SVEP1: variants seen among roughly 807,000 people sequenced by gnomAD.
SVEP1 encodes the protein sushi, von Willebrand factor type A, EGF and pentraxin domain-containing protein 1.
SVEP1 carries 164 observed loss-of-function variants against 367.3 expected under a neutral mutation model. That is an observed-to-expected ratio of 0.45 (90% CI 0.39 to 0.51). SVEP1 has a LOEUF of 0.51. SVEP1 is among the 20% of genes least tolerant of loss of function. SVEP1 has a pLI of 0.00. For missense variants in SVEP1, 4,117 were observed against 4,425.3 expected (o/e 0.93, Z 1.98); for synonymous variants, 1,666 against 1,611.6 (o/e 1.03, Z -0.81).
intron 3 of SVEP1, among the ~76,000 whole-genome samples, chr9:110,527,441 T>C (rs1456731223): frequency 6.6e-6 from 1 of 152,042 alleles, no homozygotes; most frequent in Non-Finnish European, 1.5e-5. Context: ...GTGAATAGTA[T>C]GTTTAATATT....
rs149778383 is a variant in SVEP1, at chr9:110,454,886, T to C, written c.3787+704A>G. On this transcript the variant is annotated intron_variant, in intron 22 of 47. Transcript: ENST00000374469. ...ACTACCTGGGTGATGGAATTATCTGTACTCCAAACCTCAGCATCATGCAAT... is the reference window on the plus strand; with the variant it reads ...ACTACCTGGGTGATGGAATTATCTGCACTCCAAACCTCAGCATCATGCAAT... 3.3e-3 allele frequency among the ~76,000 whole-genome samples: 500 copies of C among 152,334 alleles called. 4 individuals carry two copies. The highest frequency in any genetic ancestry group is 0.012 in the African/African-American group (483 of 41,580).
At chr9:110,455,011 AATAAG>A (rs1230093534) in intron 22 of SVEP1, among the ~76,000 whole-genome samples, 2 of 152,214 alleles carry the variant, frequency 1.3e-5, no homozygotes, top group African/African-American at 4.8e-5. Context: ...AATGCTAAAA[AATAAG>A]ATAACACTTA....
At chr9:110,524,299 A>G (rs1038887932) in intron 3 of SVEP1, among the ~76,000 whole-genome samples, 3 of 152,162 alleles carry the variant, frequency 2.0e-5, no homozygotes, top group Non-Finnish European at 2.9e-5. Context: ...ACATGCCCAA[A>G]TTCATTTTAT....
Position 110,408,008 on chromosome 9 carries a change from T to C in SVEP1, c.7592A>G (p.Glu2531Gly), listed in dbSNP as rs751268148. 1.5e-5 allele frequency: 24 copies of C among 1,613,892 alleles called. No homozygotes were observed. The highest frequency in any genetic ancestry group is 2.0e-5 in the Non-Finnish European group (24 of 1,179,894). Residue 2531 changes from glutamate to glycine, a missense_variant, in exon 38 of 48, where the codon GAA (glutamate) becomes GGA (glycine). Glu to Gly is a moderately conservative substitution (Grantham distance 98). Around this residue, in one of 4 missense-constraint regions of SVEP1, gnomAD observed 1,765 missense variants for 1,781.1 expected, o/e 0.99. Coordinates refer to ENST00000374469, the MANE Select transcript of SVEP1 (RefSeq NM_153366.4). ...TAAACAGGTCAAGGCACTGGGACCT[T>C]CGAGCCGAAAGCCTCGGTTGCAAGA... ...TYSCNRGFRLEGPSALTCLET... is the reference protein window; with the variant it reads ...TYSCNRGFRLGGPSALTCLET...
chr9:110,524,682 A>G (rs1327536267), intron 3 of SVEP1, among the ~76,000 whole-genome samples: 4 of 150,446 alleles, frequency 2.7e-5, no homozygotes, highest in African/African-American at 9.8e-5. Context: ...ATGAAGAGAA[A>G]CCTCAAAATC....
Position 110,469,229 on chromosome 9 carries a change from T to C in SVEP1, c.2999-128A>G, listed in dbSNP as rs4269611. 8.1e-3 allele frequency: 7,151 copies of C among 880,800 alleles called. 183 individuals carry two copies. Among genetic ancestry groups the C allele is most frequent in the African/African-American group, 0.073 (4,311 of 59,432 alleles). The allele number at this position is 880,800 out of a possible 1,614,324, so 54.6% of individuals were successfully genotyped here. ...GCTATTGTTTATGGGTTAAATTTTA[T>C]GGCCAGAGGCTTATTCACAAGGTAA... On this transcript the variant is annotated intron_variant, in intron 16 of 47. Transcript: ENST00000374469.
At chr9:110,495,707 A>G (rs1200958100) in intron 8 of SVEP1, among the ~76,000 whole-genome samples, 1 of 151,908 alleles carries the variant, frequency 6.6e-6, no homozygotes, top group Non-Finnish European at 1.5e-5. Context: ...ATCTTAATGT[A>G]TATGAATACT....
In SVEP1 at chr9:110,432,032, C is replaced by T. The variant is rs562464972; in HGVS notation, c.5236G>A (p.Val1746Ile). Residue 1746 changes from valine to isoleucine, a missense_variant and splice_region_variant, in exon 32 of 48, where the codon GTC (valine) becomes ATC (isoleucine). By Grantham distance (29) the Val-to-Ile change is conservative. Around this residue, in one of 4 missense-constraint regions of SVEP1, gnomAD observed 2,174 missense variants for 2,494.3 expected, o/e 0.87. Coordinates refer to ENST00000374469, the MANE Select transcript of SVEP1 (RefSeq NM_153366.4). Reference sequence around the variant, plus strand: ...TCTGATCCAACTGCACACTCATCGACATCTAAAATGAAGACAGCTTATAAA... The same window carrying T: ...TCTGATCCAACTGCACACTCATCGATATCTAAAATGAAGACAGCTTATAAA... ...WNGVSPSCLD[V>I]DECAVGSDCS... 160 of 1,595,986 alleles carry T rather than the reference C, an allele frequency of 1.0e-4. 1 individual carries two copies. In the South Asian group the frequency reaches 1.2e-3, roughly 12 times the overall value.
Position 110,451,342 on chromosome 9 carries a change from A to G in SVEP1, c.3848T>C (p.Ile1283Thr). Residue 1283 changes from isoleucine (I) to threonine (T), a missense_variant, in exon 23 of 48, where the codon ATC (isoleucine) becomes ACC (threonine). Physicochemically the swap from Ile to Thr is moderately conservative, Grantham distance 89. This residue lies in a region of SVEP1 where 2,174 missense variants were observed against 2,494.3 expected (regional missense o/e 0.87). Transcript: ENST00000374469. Reference protein sequence around the residue: ...CSSSPCLNKGICVDGVAGYRC... With the variant: ...CSSSPCLNKGTCVDGVAGYRC... ...ATAGCCAGCCACACCATCAACACAG[A>G]TTCCTTTATTTAAACAAGGACTGGA... 2 of 1,613,832 alleles carry G rather than the reference A, an allele frequency of 1.2e-6. No individual in the cohort carries two copies. Among genetic ancestry groups the G allele is most frequent in the Non-Finnish European group, 1.7e-6 (2 of 1,179,780 alleles).
intron 36 of SVEP1, among the ~76,000 whole-genome samples, chr9:110,422,855 T>G (rs1334694543): frequency 1.4e-5 from 1 of 73,610 alleles, no homozygotes; most frequent in Admixed American, 1.5e-4. Flanking sequence ...TCATTCTCAG[T>G]AAACTATCGC....
At chr9:110,504,832 A>C (rs2118758627) in intron 5 of SVEP1, among the ~76,000 whole-genome samples, 1 of 152,146 alleles carries the variant, frequency 6.6e-6, no homozygotes, top group East Asian at 1.9e-4. Context: ...TCCTTTGTTA[A>C]TTTTTTAGGG....
intron 30 of SVEP1, among the ~76,000 whole-genome samples, chr9:110,433,731 A>C (rs1201623379): frequency 6.6e-6 from 1 of 152,010 alleles, no homozygotes; most frequent in Non-Finnish European, 1.5e-5. Context: ...TTGGCCTCCC[A>C]AAGTGCTGGG....
chr9:110,536,362 A>G (rs1411148978), intron 3 of SVEP1, among the ~76,000 whole-genome samples: 2 of 152,020 alleles, frequency 1.3e-5, no homozygotes, highest in Non-Finnish European at 2.9e-5. Context: ...AAACTACTTA[A>G]ATTATTCAAA....
intron 8 of SVEP1, 92 bp downstream of exon 8, chr9:110,496,723 A>G: frequency 1.2e-6 from 1 of 869,514 alleles, no homozygotes; most frequent in Non-Finnish European, 1.8e-6. Flanking sequence ...TACAAGTATT[A>G]CCATGAGCAT....
At chr9:110,508,859 G>A (rs886329420) in intron 5 of SVEP1, among the ~76,000 whole-genome samples, 1 of 151,540 alleles carries the variant, frequency 6.6e-6, no homozygotes, top group African/African-American at 2.4e-5. Context: ...TAGGAGAAGT[G>A]AGAATCAAGT....
intron 5 of SVEP1, among the ~76,000 whole-genome samples, chr9:110,512,281 A>G (rs1454431661): frequency 6.6e-6 from 1 of 151,604 alleles, no homozygotes; most frequent in African/African-American, 2.4e-5. Context: ...TACTTGTAAA[A>G]CCCTAGGAAG....
intron 5 of SVEP1, among the ~76,000 whole-genome samples, chr9:110,508,915 A>G (rs1166936475): frequency 1.8e-4 from 27 of 152,322 alleles, no homozygotes; most frequent in Non-Finnish European, 1.0e-4. Context: ...ACAATGTAAC[A>G]TGATATTTGT....
At chr9:110,525,777 A>G (rs77725902) in intron 3 of SVEP1, among the ~76,000 whole-genome samples, 1 of 150,980 alleles carries the variant, frequency 6.6e-6, no homozygotes, top group Non-Finnish European at 1.5e-5. Flanking sequence ...TTTTTTTTTT[A>G]CTTTTTTAAA....
chr9:110,408,550 T>G lies in SVEP1; in HGVS notation c.7050A>C (p.Lys2350Asn). 1 of 1,613,926 alleles carries G rather than the reference T, an allele frequency of 6.2e-7. No homozygotes were observed. The highest frequency in any genetic ancestry group is 8.5e-7 in the Non-Finnish European group (1 of 1,179,856). ...AGGGGCCTTGCAGGACATGCCCTTCTTTACAGGAAAATGTCACAACTCCTA... is the reference window on the plus strand; with the variant it reads ...AGGGGCCTTGCAGGACATGCCCTTCGTTACAGGAAAATGTCACAACTCCTA... ...TEVGVVTFSC[K>N]EGHVLQGPSV... is the part of the protein sequence containing the mutation. The change falls in exon 38 of 48, where the codon AAA (lysine) becomes AAC (asparagine). Residue 2350 changes from lysine (K) to asparagine (N), a missense_variant. Coordinates refer to ENST00000374469, the MANE Select transcript of SVEP1 (RefSeq NM_153366.4).
Sources: allele counts gnomAD v4.1 joint callset (sites outside exome capture counted in the v4.1 genomes callset), GRCh38; gene constraint gnomAD v4.1.1; regional missense constraint gnomAD v4.1.1; transcripts MANE v1.5; gene names NCBI Gene and HGNC (gene_info 2026-07-23, HGNC 2026-07-21).